The following UBE3C variants were observed in gnomAD, a reference collection of about 807,000 sequenced individuals.
The protein encoded by UBE3C is ubiquitin-protein ligase E3C.
UBE3C carries 42 observed loss-of-function variants against 129.4 expected under a neutral mutation model. That is an observed-to-expected ratio of 0.32 (90% confidence interval 0.25 to 0.42). The LOEUF is 0.42. Among genes scored for constraint, UBE3C ranks in the 10% least tolerant of loss-of-function variants. UBE3C has a pLI of 1.00. For synonymous variants in UBE3C, 510 were observed against 492.4 expected (o/e 1.04, Z -0.47); for missense variants, 1,049 against 1,319.1 (o/e 0.80, Z 3.17).
chr7:157,231,023 A>T lies in UBE3C; in HGVS notation c.2234-57A>T, dbSNP rs562722043. 4.4e-6 allele frequency: 7 copies of T among 1,595,918 alleles called. No individual in the cohort carries two copies. In the African/African-American group the frequency reaches 8.1e-5, roughly 18 times the overall value. On this transcript the variant is annotated intron_variant, in intron 17 of 22. Coordinates refer to ENST00000348165, the MANE Select transcript of UBE3C (RefSeq NM_014671.3). ...TTAAGCCTTCCTGTAAGGCTAGTTG[A>T]TGTTATTGCTTGCTTGTAACATCTT...
intron 13 of UBE3C, among the ~76,000 whole-genome samples, chr7:157,213,656 C>A (rs1809657897): frequency 6.6e-6 from 1 of 152,098 alleles, no homozygotes; most frequent in Non-Finnish European, 1.5e-5. Context: ...TGGATCCAGT[C>A]AAATTTTCAT....
intron 19 of UBE3C, among the ~76,000 whole-genome samples, chr7:157,253,207 A>G (rs1270595516): frequency 2.0e-5 from 3 of 152,338 alleles, no homozygotes; most frequent in Non-Finnish European, 4.4e-5. Context: ...AAATATCACC[A>G]TTTTATTAAT....
intron 1 of UBE3C, among the ~76,000 whole-genome samples, chr7:157,148,165 G>A (rs1480727340): frequency 6.6e-6 from 1 of 151,928 alleles, no homozygotes; most frequent in Non-Finnish European, 1.5e-5. Flanking sequence ...GAGTACAGTG[G>A]TGCGATCTCA....
chr7:157,174,802 T>G (rs1808471144), intron 4 of UBE3C, 117 bp from the exon 5 acceptor site: 1 of 660,206 alleles, frequency 1.5e-6, no homozygotes, highest in Non-Finnish European at 2.5e-6. Context: ...TTAACCATCT[T>G]TTGATTAGGT....
In UBE3C at chr7:157,225,487, A is replaced by G; in HGVS notation, c.2181A>G (p.Ile727Met). 1 of 1,603,826 alleles carries G rather than the reference A, an allele frequency of 6.2e-7. No homozygotes were observed. Among genetic ancestry groups the G allele is most frequent in the East Asian group, 2.2e-5 (1 of 44,644 alleles). The change falls in exon 17 of 23, where the codon ATA (isoleucine) becomes ATG (methionine). Residue 727 changes from isoleucine (I) to methionine (M), a missense_variant. Ile to Met is a conservative substitution (Grantham distance 10). Coordinates refer to ENST00000348165, the MANE Select transcript of UBE3C (RefSeq NM_014671.3). ...TTCTGGATGGAATTAATGTCACAAT[A>G]AGAAGAAATTACATTTATGAAGATG... The part of the protein sequence containing the change: ...GPFLDGINVT[I>M]RRNYIYEDAY...
chr7:157,199,760 C>T (rs1184996714), intron 10 of UBE3C, among the ~76,000 whole-genome samples: 1 of 152,104 alleles, frequency 6.6e-6, no homozygotes, highest in Non-Finnish European at 1.5e-5. Context: ...CGTGATCCAC[C>T]AGGTCCAGCC....
intron 22 of UBE3C, among the ~76,000 whole-genome samples, chr7:157,267,274 T>G (rs1428080985): frequency 6.6e-6 from 1 of 151,904 alleles, no homozygotes; most frequent in Non-Finnish European, 1.5e-5. Flanking sequence ...ATCCAAAAAT[T>G]AGCCAGGCAT....
At chr7:157,161,182 G>C (rs1808058938) in intron 1 of UBE3C, among the ~76,000 whole-genome samples, 1 of 152,210 alleles carries the variant, frequency 6.6e-6, no homozygotes, top group Admixed American at 6.5e-5. Context: ...TATTGTATCA[G>C]TGTTAATTTC....
intron 22 of UBE3C, among the ~76,000 whole-genome samples, chr7:157,259,403 C>T (rs772330728): frequency 1.9e-4 from 29 of 152,188 alleles, no homozygotes; most frequent in South Asian, 2.1e-4. Flanking sequence ...CGCAGCCCCA[C>T]CGTTGGGAGT....
chr7:157,253,937 A>T lies in UBE3C; in HGVS notation c.2695-17A>T. On this transcript the variant is annotated splice_polypyrimidine_tract_variant and intron_variant, in intron 19 of 22. Coordinates refer to ENST00000348165, the MANE Select transcript of UBE3C (RefSeq NM_014671.3). Reference sequence around the variant, plus strand: ...ATACTTTGAGGATTTTGAGATCCTTACGTTTTGTATTCCCAGGTAGTTGAA... The same window carrying T: ...ATACTTTGAGGATTTTGAGATCCTTTCGTTTTGTATTCCCAGGTAGTTGAA... 6.4e-7 allele frequency: 1 copy of T among 1,563,030 alleles called. No individual in the cohort carries two copies. The highest frequency in any genetic ancestry group is 8.7e-7 in the Non-Finnish European group (1 of 1,151,290).
intron 18 of UBE3C, among the ~76,000 whole-genome samples, chr7:157,245,817 T>TC (rs1796457193): frequency 6.6e-6 from 1 of 151,752 alleles, no homozygotes; most frequent in African/African-American, 2.4e-5. Context: ...ATGGTGAAAC[T>TC]CCATCTCTAC....
intron 10 of UBE3C, among the ~76,000 whole-genome samples, chr7:157,198,670 G>T (rs1809192513): frequency 6.6e-6 from 1 of 152,198 alleles, no homozygotes; most frequent in East Asian, 1.9e-4. Flanking sequence ...GAGCAGCTGG[G>T]ATTACAGGCA....
rs201657659 is a variant in UBE3C at position 157,182,296 on chromosome 7, A to G, written c.959A>G (p.Tyr320Cys). The G allele has an allele frequency of 6.1e-5, 99 of 1,613,776 alleles. No individual in the cohort carries two copies. Among genetic ancestry groups the G allele is most frequent in the Middle Eastern group, 1.6e-4 (1 of 6,062 alleles). Residue 320 changes from tyrosine (Y) to cysteine (C), a missense_variant, in exon 8 of 23, where the codon TAT (tyrosine) becomes TGT (cysteine). This residue lies in a region of UBE3C where 489 missense variants were observed against 513.8 expected (regional missense o/e 0.95). Coordinates refer to ENST00000348165, the MANE Select transcript of UBE3C (RefSeq NM_014671.3). ...AGTGGTGGAGCACCCTGGCTTTTCT[A>G]TTTCGTTTTAACTGTTGGCGAAAAT... The part of the protein sequence containing the change: ...RKSGGAPWLF[Y>C]FVLTVGENYL...
chr7:157,162,536 C>A (rs919588419), intron 1 of UBE3C, among the ~76,000 whole-genome samples: 5 of 146,750 alleles, frequency 3.4e-5, no homozygotes, highest in Non-Finnish European at 6.0e-5. Flanking sequence ...TGTCTCCAAT[C>A]TTGAACTTTT....
intron 10 of UBE3C, 135 bp downstream of exon 10, chr7:157,187,156 C>A: frequency 9.2e-7 from 1 of 1,084,246 alleles, no homozygotes; most frequent in Non-Finnish European, 1.3e-6. Context: ...ACTGTCCAAG[C>A]GTTTCATAAA....
At chr7:157,255,151 A>G (rs1321768436) in intron 21 of UBE3C, among the ~76,000 whole-genome samples, 2 of 151,164 alleles carry the variant, frequency 1.3e-5, no homozygotes, top group African/African-American at 2.5e-5. Flanking sequence ...TACACAACGT[A>G]CATGGGCAAA....
chr7:157,227,559 G>T (rs1009329041), intron 17 of UBE3C, among the ~76,000 whole-genome samples: 37 of 152,136 alleles, frequency 2.4e-4, no homozygotes, highest in African/African-American at 8.9e-4. Context: ...AAATAGCTGG[G>T]CGTGGTGGTA....
rs985951412 is a variant in UBE3C, at chr7:157,182,439, G to C, written c.991+111G>C. The C allele has an allele frequency of 2.5e-5, 27 of 1,101,414 alleles. No individual in the cohort carries two copies. In the African/African-American group the frequency reaches 3.8e-4, roughly 15 times the overall value. 68.2% of individuals were successfully genotyped at this position (1,101,414 alleles called of 1,614,324 possible). On this transcript the variant is annotated intron_variant, in intron 8 of 22. Transcript: ENST00000348165. ...TGTTATGGAAAGGTGGGCCTCTCCT[G>C]GAGGAGTGTATTTGCTGGAGGGATG...
chr7:157,255,007 G>A (rs991599102), intron 21 of UBE3C, among the ~76,000 whole-genome samples: 2 of 152,026 alleles, frequency 1.3e-5, no homozygotes, highest in African/African-American at 2.4e-5. Context: ...CATCTACGTC[G>A]GGTGCTGAGG....
Sources: allele counts gnomAD v4.1 joint callset (sites outside exome capture counted in the v4.1 genomes callset), GRCh38; gene constraint gnomAD v4.1.1; regional missense constraint gnomAD v4.1.1; transcripts MANE v1.5; gene names NCBI Gene and HGNC (gene_info 2026-07-23, HGNC 2026-07-21).